TCF20: variants seen among roughly 807,000 people sequenced by gnomAD.
TCF20 encodes SPRE-binding protein.
TCF20 carries 3 observed loss-of-function variants against 148.6 expected under a neutral mutation model. That is an observed-to-expected ratio of 0.02 (90% confidence interval 0.01 to 0.05). TCF20 has a LOEUF of 0.05. TCF20 is among the 10% of genes least tolerant of loss of function. The probability of loss-of-function intolerance (pLI) is 1.00; values close to 1 mark genes in which losing one functional copy is unlikely to be tolerated. For missense variants in TCF20, 2,350 were observed against 2,429.3 expected, an observed-to-expected ratio of 0.97 and a Z score of 0.69; for synonymous variants, 1,049 against 909.5, an observed-to-expected ratio of 1.15 and a Z score of -2.76.
At chr22:42,341,283 T>C (rs965321495) in intron 1 of TCF20, among the ~76,000 whole-genome samples, 1 of 152,012 alleles carries the variant, frequency 6.6e-6, no homozygotes, top group Non-Finnish European at 1.5e-5. Flanking sequence ...ATCTCTTCCC[T>C]CTCCCGACAG....
Position 42,210,036 on chromosome 22 carries a change from G to C in TCF20, c.5270C>G (p.Ser1757Cys). The change falls in exon 2 of 6, where the codon TCT becomes TGT. Residue 1757 changes from serine to cysteine, a missense_variant. Coordinates refer to ENST00000677622, the MANE Select transcript of TCF20 (RefSeq NM_001378418.1). This position sits in a 1 kb window ranked among gnomAD's most constrained non-coding sequence, Gnocchi z 4.7. ...CTCAGTGTCCGTCTTGGAGCCATTA[G>C]AAGCACTTTTGTGCCGTACCTTAAC... ...SKVKVRHKSA[S>C]NGSKTDTEEE... 6.2e-7 allele frequency: 1 copy of C among 1,612,878 alleles called. No homozygotes were observed. Among genetic ancestry groups the C allele is most frequent in the Non-Finnish European group, 8.5e-7 (1 of 1,180,018 alleles).
rs1218144863 is a variant in TCF20, at chr22:42,270,533, C to A, written c.-231G>T. On this transcript the variant is annotated 5_prime_UTR_variant, in exon 1 of 6. Coordinates refer to ENST00000677622, the MANE Select transcript of TCF20 (RefSeq NM_001378418.1). ...GCTCGCTCCGGCCCGCGCGCTCGCT[C>A]CCCGGTCAGGCGCGCCTCAGGGCGG... 6.9e-6 allele frequency among the ~76,000 whole-genome samples: 1 copy of A among 145,684 alleles called. No homozygotes were observed. Among genetic ancestry groups the A allele is most frequent in the African/African-American group, 2.5e-5 (1 of 40,692 alleles).
intron 1 of TCF20, among the ~76,000 whole-genome samples, chr22:42,244,285 A>G (rs1924720911): frequency 6.6e-6 from 1 of 152,218 alleles, no homozygotes; most frequent in African/African-American, 2.4e-5. Flanking sequence ...ATTCCTAGGT[A>G]TATACTCAAA....
intron 1 of TCF20, among the ~76,000 whole-genome samples, chr22:42,258,807 C>T (rs552282616): frequency 3.1e-4 from 47 of 152,152 alleles, no homozygotes; most frequent in Middle Eastern, 3.4e-3. Flanking sequence ...AATATACCTT[C>T]GACTTAGGAC....
intron 1 of TCF20, among the ~76,000 whole-genome samples, chr22:42,250,941 T>C (rs1159513745): frequency 1.3e-5 from 2 of 152,108 alleles, no homozygotes; most frequent in African/African-American, 4.8e-5. Flanking sequence ...GCCACACTTT[T>C]AAAACAGCCA....
chr22:42,240,672 G>C (rs1334413262), intron 1 of TCF20, among the ~76,000 whole-genome samples: 1 of 152,158 alleles, frequency 6.6e-6, no homozygotes. Context: ...CTCACTCCAA[G>C]GCCTTGCATA....
intron 1 of TCF20, among the ~76,000 whole-genome samples, chr22:42,282,254 T>C (rs533054450): frequency 1.3e-5 from 2 of 152,298 alleles, no homozygotes; most frequent in African/African-American, 4.8e-5. Context: ...GGCCTGGCCC[T>C]GGTAAAACTC....
intron 3 of TCF20, among the ~76,000 whole-genome samples, chr22:42,177,596 TTC>T (rs1370982887): frequency 6.6e-6 from 1 of 152,202 alleles, no homozygotes; most frequent in African/African-American, 2.4e-5. Flanking sequence ...TGGATGGCAC[TTC>T]TTTAACAAAA....
intron 3 of TCF20, among the ~76,000 whole-genome samples, chr22:42,179,126 C>T (rs1348002693): frequency 2.0e-5 from 3 of 150,674 alleles, no homozygotes; most frequent in East Asian, 1.9e-4. Flanking sequence ...CCACTGAGAA[C>T]GTAAAATGGG....
chr22:42,177,241 C>T (rs1936506314), intron 3 of TCF20, among the ~76,000 whole-genome samples: 1 of 152,026 alleles, frequency 6.6e-6, no homozygotes, highest in Non-Finnish European at 1.5e-5. Flanking sequence ...ATGGCAAAAC[C>T]CCGTCTCTAC....
At position 42,209,912 on chromosome 22, in the gene TCF20, G is replaced by A. The variant is rs774131197; in HGVS notation, c.5394C>T (p.Gly1798=). 13 of 1,614,060 alleles carry A rather than the reference G, an allele frequency of 8.1e-6. No individual in the cohort carries two copies. Among genetic ancestry groups the A allele is most frequent in the African/African-American group, 1.3e-5 (1 of 74,914 alleles). Residue 1798 remains glycine (G), a synonymous_variant, in exon 2 of 6, where the codon GGC becomes GGT. Transcript: ENST00000677622. ...GGAGCCCCCTGGACAGGGACCGAGG[G>A]CCTCCACCACAGTCTTCCGAGCGGT... ...RRHRSEDCGG[G]PRSLSRGLPC...
rs911740107 is a variant in TCF20 at position 42,280,819 on chromosome 22, C to T, written c.-37+3008G>A. Reference sequence around the variant, plus strand: ...CCCCTGGGAGCCAGGCTCTGGCTGACTGCTTTGTGAGAATGATCTCATGTA... The same window carrying T: ...CCCCTGGGAGCCAGGCTCTGGCTGATTGCTTTGTGAGAATGATCTCATGTA... On this transcript the variant is annotated intron_variant, in intron 1 of 5. Coordinates refer to the TCF20 transcript ENST00000359486. Among the ~76,000 whole-genome samples, 7 of 152,334 alleles carry T rather than the reference C, an allele frequency of 4.6e-5. 1 individual carries two copies. In the East Asian group the frequency reaches 1.3e-3, roughly 29 times the overall value.
chr22:42,193,279 CCACCTA>C (rs1034940689), intron 2 of TCF20, among the ~76,000 whole-genome samples: 1 of 150,732 alleles, frequency 6.6e-6, no homozygotes, highest in African/African-American at 2.4e-5. Flanking sequence ...TCCTCCTCCT[CCACCTA>C]CACTTTTTTT....
intron 2 of TCF20, among the ~76,000 whole-genome samples, chr22:42,198,589 T>TA (rs1478340484): frequency 2.6e-5 from 4 of 152,202 alleles, no homozygotes; most frequent in Non-Finnish European, 5.9e-5. Flanking sequence ...GCAAAGTTGT[T>TA]ATACTTTCTC....
chr22:42,196,251 A>G (rs549743225), intron 2 of TCF20, among the ~76,000 whole-genome samples: 204 of 152,340 alleles, frequency 1.3e-3, no homozygotes, highest in African/African-American at 4.8e-3. Context: ...ATGGGAGTGC[A>G]GCTGGGCAGC....
chr22:42,160,126 C>A lies in TCF20; in HGVS notation c.*1277G>T, dbSNP rs940072779. On this transcript the variant is annotated 3_prime_UTR_variant, in exon 6 of 6. Coordinates refer to ENST00000677622, the MANE Select transcript of TCF20 (RefSeq NM_001378418.1). ...ATTTTATCCCCATGGCAGAGTGACCCCTGAAAGATGCACTAACCCCTTCTT... is the reference window on the plus strand; with the variant it reads ...ATTTTATCCCCATGGCAGAGTGACCACTGAAAGATGCACTAACCCCTTCTT... 1 of 152,128 alleles carries A rather than the reference C, an allele frequency of 6.6e-6. No individual in the cohort carries two copies. The highest frequency in any genetic ancestry group is 1.5e-5 in the Non-Finnish European group (1 of 67,980). The allele number at this position is 152,128 out of a possible 1,614,324, so 9.4% of individuals were successfully genotyped here. A position where few individuals can be genotyped will look rare whatever the true frequency, so the allele number is the denominator to read the frequency against.
chr22:42,163,214 A>G (rs1035645941), intron 5 of TCF20, among the ~76,000 whole-genome samples: 1 of 152,232 alleles, frequency 6.6e-6, no homozygotes, highest in African/African-American at 2.4e-5. Context: ...TGAAGAATGA[A>G]GCACATGTCA....
intron 1 of TCF20, among the ~76,000 whole-genome samples, chr22:42,259,042 TC>T (rs1925894257): frequency 6.6e-6 from 1 of 152,164 alleles, no homozygotes; most frequent in East Asian, 1.9e-4. Flanking sequence ...GAAGCCTGCC[TC>T]CCTCTCCACC....
intron 1 of TCF20, among the ~76,000 whole-genome samples, chr22:42,324,296 G>A (rs1472418468): frequency 6.6e-6 from 1 of 151,478 alleles, no homozygotes; most frequent in African/African-American, 2.4e-5. Flanking sequence ...GGAGGGAGGA[G>A]AGACGAATAA....
Sources: gnomAD v4.1 joint callset for allele counts (sites outside exome capture counted in the v4.1 genomes callset) on GRCh38, gnomAD v4.1.1 for gene constraint, Gnocchi (gnomAD v3.1) non-coding constraint, MANE v1.5 for transcripts, NCBI Gene and HGNC (gene_info 2026-07-23, HGNC 2026-07-21) for gene names.